The following MAGED1 variants were observed in gnomAD, a reference collection of about 807,000 sequenced individuals.
The protein encoded by MAGED1 is MAGE family member D1.
MAGED1 carries 3 observed loss-of-function variants against 54.1 expected under a neutral mutation model. That is an observed-to-expected ratio of 0.06 (90% CI 0.03 to 0.14). MAGED1 has a LOEUF of 0.14. MAGED1 is among the 10% of genes least tolerant of loss of function. The pLI, the probability that MAGED1 is intolerant of heterozygous loss-of-function variation, is 1.00. For missense variants in MAGED1, 485 were observed against 623.4 expected, an observed-to-expected ratio of 0.78 and a Z score of 2.36; for synonymous variants, 217 against 227.3, an observed-to-expected ratio of 0.95 and a Z score of 0.41.
chrX:51,817,000 AAG>A (rs1925456099), intron 1 of MAGED1, among the ~76,000 whole-genome samples: 1 of 111,824 alleles, frequency 8.9e-6, no homozygotes, highest in African/African-American at 3.3e-5. Flanking sequence ...CTGAACAGGA[AAG>A]AGATAAACAA....
At position 51,895,620 on chromosome X, in the gene MAGED1, A is replaced by G; in HGVS notation, c.613A>G (p.Met205Val). The change falls in exon 3 of 13, where the codon ATG becomes GTG. Residue 205 changes from methionine to valine, a missense_variant. Physicochemically the swap from Met to Val is conservative, Grantham distance 21 (BLOSUM62 1). This residue lies in a region of MAGED1 where 299 missense variants were observed against 293.1 expected (regional missense o/e 1.02). Transcript: ENST00000326587. ...GACCCAGAATGTAAATCAGGCCAAA[A>G]TGGCCACTTCCCAGGCTGACATAGA... ...TQTQNVNQAK[M>V]ATSQADIETD... 8 of 1,211,352 alleles carry G rather than the reference A, an allele frequency of 6.6e-6. No homozygotes were observed. The highest frequency in any genetic ancestry group is 1.7e-5 in the African/African-American group (1 of 57,850).
intron 1 of MAGED1, among the ~76,000 whole-genome samples, chrX:51,873,421 G>A (rs1309060244): frequency 1.8e-5 from 2 of 110,314 alleles, no homozygotes; most frequent in Non-Finnish European, 3.8e-5. Context: ...TGATAGTTTG[G>A]AGAACTGGGA....
At chrX:51,876,074 T>C (rs1366439369) in intron 1 of MAGED1, among the ~76,000 whole-genome samples, 1 of 111,081 alleles carries the variant, frequency 9.0e-6, no homozygotes, top group Non-Finnish European at 1.9e-5. Context: ...TTCAGACCAA[T>C]TTCAGAGACT....
chrX:51,825,812 A>G (rs1255531272), intron 1 of MAGED1, among the ~76,000 whole-genome samples: 1 of 112,243 alleles, frequency 8.9e-6, no homozygotes, highest in Non-Finnish European at 1.9e-5. Flanking sequence ...AGAACTCTTC[A>G]AATCCCCTAT....
At chrX:51,859,986 C>G (rs1354524803) in intron 1 of MAGED1, among the ~76,000 whole-genome samples, 2 of 110,035 alleles carry the variant, frequency 1.8e-5, no homozygotes, top group East Asian at 5.8e-4. Flanking sequence ...TGATGGATAG[C>G]CGGGTGCATT....
intron 1 of MAGED1, among the ~76,000 whole-genome samples, chrX:51,855,129 G>A (rs181016781): frequency 1.7e-4 from 19 of 112,025 alleles, no homozygotes; most frequent in African/African-American, 5.5e-4. Context: ...TAATTTCTCA[G>A]CTGATTCTCT....
At chrX:51,829,986 G>A (rs1260575060) in intron 1 of MAGED1, among the ~76,000 whole-genome samples, 1 of 111,016 alleles carries the variant, frequency 9.0e-6, no homozygotes, top group Non-Finnish European at 1.9e-5. Context: ...AAAACATTGC[G>A]GTATTACGTG....
At chrX:51,894,648 G>A in intron 2 of MAGED1, 1 of 1,193,594 alleles carries the variant, frequency 8.4e-7, no homozygotes, top group Non-Finnish European at 1.1e-6. Flanking sequence ...TTGTAGAGCA[G>A]TCTGTCACCC....
chrX:51,811,462 G>T lies in MAGED1; in HGVS notation c.-37+8345G>T, dbSNP rs149060509. On this transcript the variant is annotated intron_variant, in intron 1 of 12. Coordinates refer to the MAGED1 transcript ENST00000375772. ...GTTTGTGGTTTACCGGAGTGCTATG[G>T]TTTACCAGTTGGGAATTTTGGGACC... Among the ~76,000 whole-genome samples the T allele has an allele frequency of 5.8e-3, 647 of 112,045 alleles. 6 individuals carry two copies. The highest frequency in any genetic ancestry group is 0.02 in the African/African-American group (622 of 30,857).
At position 51,895,538 on chromosome X, in the gene MAGED1, T is replaced by C; in HGVS notation, c.531T>C (p.Pro177=). The C allele has an allele frequency of 8.3e-7, 1 of 1,211,375 alleles. No individual in the cohort carries two copies. Among genetic ancestry groups the C allele is most frequent in the Non-Finnish European group, 1.1e-6 (1 of 895,272 alleles). ...CCAATGACCTGGCCAACAGCAGGCC[T>C]AAGACCCCTTTCAAGGCTTGGAATG... is the stretch of plus-strand genomic sequence containing the variant. The part of the protein sequence containing the change: ...LNANDLANSR[P]KTPFKAWNDT... Residue 177 remains proline (P), a synonymous_variant, in exon 3 of 13, where the codon CCT becomes CCC. Coordinates refer to ENST00000326587, the MANE Select transcript of MAGED1 (RefSeq NM_006986.4).
At chrX:51,825,926 T>C (rs1925837306) in intron 1 of MAGED1, among the ~76,000 whole-genome samples, 1 of 112,486 alleles carries the variant, frequency 8.9e-6, no homozygotes, top group South Asian at 3.7e-4. Context: ...GGTTTTGCAC[T>C]GAATCAAACA....
chrX:51,825,666 A>G lies in MAGED1; in HGVS notation c.-37+22549A>G, dbSNP rs1279197297. Among the ~76,000 whole-genome samples, 7 of 111,740 alleles carry G rather than the reference A, an allele frequency of 6.3e-5. 1 individual carries two copies. In the South Asian group the frequency reaches 1.1e-3, roughly 18 times the overall value. ...TTAGCCAGGCAGTTTACAACCGTAC[A>G]TTAGCCTTCACTTCCTGATTGCAAA... is the stretch of plus-strand genomic sequence containing the variant. On this transcript the variant is annotated intron_variant, in intron 1 of 12. Transcript: ENST00000375772.
intron 1 of MAGED1, chrX:51,803,173 A>T (rs1924908950): frequency 9.0e-6 from 1 of 111,413 alleles, no homozygotes; most frequent in Admixed American, 9.5e-5. Flanking sequence ...CATACACTCC[A>T]GGGAAACCTC....
rs1664563082 is a variant in MAGED1 at position 51,900,076 on chromosome X, G to T, written c.1845-106G>T. On this transcript the variant is annotated intron_variant, in intron 10 of 12. Transcript: ENST00000326587. The stretch of plus-strand genomic sequence containing the variant: ...GATGGTGTTCAGGAATGAGCCCAAG[G>T]GGGAGTTGCTATCTGAAATCTGTTA... The T allele has an allele frequency of 5.7e-6, 3 of 522,903 alleles. No homozygotes were observed. In the African/African-American group the frequency reaches 7.0e-5, roughly 12 times the overall value. The allele number at this position is 522,903 out of a possible 1,213,427, so 43.1% of individuals were successfully genotyped here.
chrX:51,819,726 A>T (rs1323582594), intron 1 of MAGED1, among the ~76,000 whole-genome samples: 2 of 110,647 alleles, frequency 1.8e-5, no homozygotes, highest in Non-Finnish European at 3.8e-5. Flanking sequence ...CATGATTTTC[A>T]ATTGTTGTCT....
chrX:51,849,053 T>C, intron 1 of MAGED1, among the ~76,000 whole-genome samples: 1 of 109,978 alleles, frequency 9.1e-6, no homozygotes, highest in Non-Finnish European at 1.9e-5. Context: ...ACAATTTAGC[T>C]CTGTGGTCCA....
intron 1 of MAGED1, 90 bp from the exon 2 acceptor site, chrX:51,894,179 G>A: frequency 2.0e-6 from 1 of 511,887 alleles, no homozygotes. Flanking sequence ...CACCTTATCC[G>A]CCCGCACAGT....
intron 1 of MAGED1, among the ~76,000 whole-genome samples, chrX:51,886,355 T>C (rs782470520): frequency 9.0e-6 from 1 of 111,395 alleles, no homozygotes; most frequent in East Asian, 2.8e-4. Flanking sequence ...GAGATCATTA[T>C]ACAAGATCAT....
At chrX:51,879,823 G>C (rs782079979) in intron 1 of MAGED1, among the ~76,000 whole-genome samples, 96 of 111,703 alleles carry the variant, frequency 8.6e-4, no homozygotes, top group Non-Finnish European at 1.4e-3. Flanking sequence ...TTTTTTTCTG[G>C]TTGTTGGTGC....
Sources: allele counts gnomAD v4.1 joint callset (sites outside exome capture counted in the v4.1 genomes callset), GRCh38; gene constraint gnomAD v4.1.1; regional missense constraint gnomAD v4.1.1; transcripts MANE v1.5; gene names NCBI Gene and HGNC (gene_info 2026-07-23, HGNC 2026-07-21).